ZFPM2: variants seen among roughly 807,000 people sequenced by gnomAD.
ZFPM2 encodes the protein zinc finger protein, FOG family member 2, also known as zinc finger protein ZFPM2.
Under a neutral mutation model 98.6 loss-of-function variants are expected in ZFPM2, and 20 were observed. The observed-to-expected ratio is 0.20, with a 90% CI of 0.14 to 0.29. ZFPM2 has a LOEUF of 0.29. Among genes scored for constraint, ZFPM2 ranks in the 10% least tolerant of loss-of-function variants. ZFPM2 has a pLI of 1.00. For missense variants in ZFPM2, 1,310 were observed against 1,388.6 expected (o/e 0.94, Z 0.90); for synonymous variants, 518 against 502.7 (o/e 1.03, Z -0.41).
chr8:105,778,374 ATTAT>A (rs3066229), intron 5 of ZFPM2, among the ~76,000 whole-genome samples: 25,181 of 151,902 alleles, frequency 0.17, 3,660 homozygotes, highest in African/African-American at 0.39. Flanking sequence ...ATTTTTTCTA[ATTAT>A]TTATTTAGTA....
At chr8:105,349,574 C>A (rs2129703856) in intron 1 of ZFPM2, among the ~76,000 whole-genome samples, 1 of 152,188 alleles carries the variant, frequency 6.6e-6, no homozygotes, top group East Asian at 1.9e-4. Context: ...ACTTTTAGGT[C>A]AACGTAATGA....
chr8:105,474,496 T>C (rs1812974313), intron 3 of ZFPM2, among the ~76,000 whole-genome samples: 1 of 152,224 alleles, frequency 6.6e-6, no homozygotes, highest in Non-Finnish European at 1.5e-5. Flanking sequence ...AAAAGATTTG[T>C]GATTTCCCTC....
intron 3 of ZFPM2, among the ~76,000 whole-genome samples, chr8:105,469,790 G>T (rs1301838234): frequency 1.3e-5 from 2 of 152,136 alleles, no homozygotes; most frequent in Admixed American, 6.6e-5. Context: ...CTGTTATTAA[G>T]CCCATGTTTT....
intron 3 of ZFPM2, among the ~76,000 whole-genome samples, chr8:105,559,759 T>G (rs1032511216): frequency 6.6e-6 from 1 of 151,970 alleles, no homozygotes; most frequent in African/African-American, 2.4e-5. Context: ...AAAGAAGAGA[T>G]AGAATTGAAC....
intron 4 of ZFPM2, among the ~76,000 whole-genome samples, chr8:105,620,981 G>A (rs576290736): frequency 1.3e-5 from 2 of 152,212 alleles, no homozygotes; most frequent in South Asian, 4.2e-4. Context: ...CTCCAGCTTT[G>A]TTCTTTTGGC....
At chr8:105,790,352 C>A (rs1377951207) in intron 6 of ZFPM2, among the ~76,000 whole-genome samples, 1 of 152,068 alleles carries the variant, frequency 6.6e-6, no homozygotes, top group Non-Finnish European at 1.5e-5. Flanking sequence ...AATCCTTTCC[C>A]CATTGCTTGT....
chr8:105,525,522 T>A (rs1018200702), intron 3 of ZFPM2, among the ~76,000 whole-genome samples: 3 of 152,196 alleles, frequency 2.0e-5, no homozygotes, highest in African/African-American at 7.2e-5. Context: ...CCAAGCTGCA[T>A]GTTCCATGTG....
chr8:105,609,055 C>A (rs1816253424), intron 4 of ZFPM2, among the ~76,000 whole-genome samples: 1 of 151,500 alleles, frequency 6.6e-6, no homozygotes, highest in Non-Finnish European at 1.5e-5. Flanking sequence ...GACACACACA[C>A]AATTAAAAAA....
At chr8:105,345,425 C>CTTTTTTTTTTTTTTTT (rs10560485) in intron 1 of ZFPM2, among the ~76,000 whole-genome samples, 3 of 98,358 alleles carry the variant, frequency 3.1e-5, no homozygotes, top group Non-Finnish European at 3.9e-5. Flanking sequence ...TCGTGATGTT[C>CTTTTTTTTTTTTTTTT]TTTTTTTTTT....
intron 4 of ZFPM2, among the ~76,000 whole-genome samples, chr8:105,622,584 A>G (rs533466984): frequency 8.5e-4 from 129 of 152,296 alleles, no homozygotes; most frequent in African/African-American, 2.9e-3. Flanking sequence ...ACTTCTTAGC[A>G]TGCTCCATTA....
chr8:105,480,425 G>T (rs1188881165), intron 3 of ZFPM2, among the ~76,000 whole-genome samples: 1 of 152,118 alleles, frequency 6.6e-6, no homozygotes, highest in East Asian at 1.9e-4. Flanking sequence ...ACAATCTCAG[G>T]TATTGTCACC....
intron 4 of ZFPM2, among the ~76,000 whole-genome samples, chr8:105,626,166 A>G (rs1226671242): frequency 6.6e-6 from 1 of 152,174 alleles, no homozygotes; most frequent in Non-Finnish European, 1.5e-5. Context: ...TAAAAGTTGT[A>G]TAGTTCCAGT....
intron 5 of ZFPM2, chr8:105,675,831 G>A (rs1810443089): frequency 6.6e-6 from 1 of 152,048 alleles, no homozygotes. Flanking sequence ...CACTTTATCT[G>A]TACTTTATAA....
chr8:105,547,139 G>GA (rs1814725094), intron 3 of ZFPM2, among the ~76,000 whole-genome samples: 1 of 152,114 alleles, frequency 6.6e-6, no homozygotes. Flanking sequence ...CTCTAGCTAA[G>GA]AATTGTGCAT....
At chr8:105,619,022 G>A (rs1816475893) in intron 4 of ZFPM2, among the ~76,000 whole-genome samples, 1 of 152,116 alleles carries the variant, frequency 6.6e-6, no homozygotes, top group African/African-American at 2.4e-5. Flanking sequence ...ATGCAGAGGT[G>A]CATGGATTAA....
chr8:105,792,621 T>A (rs1392124847), intron 6 of ZFPM2, among the ~76,000 whole-genome samples: 1 of 152,144 alleles, frequency 6.6e-6, no homozygotes, highest in Non-Finnish European at 1.5e-5. Flanking sequence ...CAGAGATGAG[T>A]TCAATTCCTG....
Position 105,576,091 on chromosome 8 carries a change from A to G in ZFPM2, c.420+14610A>G, listed in dbSNP as rs1436987807. ...TTCCTAGGACAGCTAAAATAAAATC[A>G]TTCCTACCCATGAAGGAAAAAATAA... On this transcript the variant is annotated intron_variant, in intron 4 of 7. Transcript: ENST00000407775. Among the ~76,000 whole-genome samples, 5 of 152,310 alleles carry G rather than the reference A, an allele frequency of 3.3e-5. No homozygotes were observed. The South Asian group carries it at 8.3e-4, about 25-fold the overall frequency.
chr8:105,472,106 T>C (rs1255731994), intron 3 of ZFPM2, among the ~76,000 whole-genome samples: 1 of 152,238 alleles, frequency 6.6e-6, no homozygotes, highest in Non-Finnish European at 1.5e-5. Flanking sequence ...TGAGCTTTAG[T>C]TGTCTTACAC....
intron 3 of ZFPM2, among the ~76,000 whole-genome samples, chr8:105,447,615 T>C (rs762636212): frequency 1.3e-5 from 2 of 152,092 alleles, no homozygotes; most frequent in Non-Finnish European, 2.9e-5. Context: ...GTCTTCTAAT[T>C]TTAAGGTTCT....
Sources: allele counts gnomAD v4.1 joint callset (sites outside exome capture counted in the v4.1 genomes callset), GRCh38; gene constraint gnomAD v4.1.1; transcripts MANE v1.5; gene names NCBI Gene and HGNC (gene_info 2026-07-23, HGNC 2026-07-21).